RNF8: variants seen among roughly 807,000 people sequenced by gnomAD.
RNF8 encodes the protein E3 ubiquitin-protein ligase RNF8.
A neutral mutation model predicts 59.3 loss-of-function variants in RNF8; 8 were observed. The ratio of observed to expected loss-of-function variants is 0.13; its 90% confidence interval spans 0.08 to 0.24. The LOEUF (loss-of-function observed/expected upper bound fraction) is 0.24, where lower values mean the gene tolerates loss of function less well. Among genes scored for constraint, RNF8 ranks in the 10% least tolerant of loss-of-function variants. The probability of loss-of-function intolerance (pLI) is 1.00; values close to 1 mark genes in which losing one functional copy is unlikely to be tolerated. For missense variants in RNF8, 406 were observed against 572.6 expected, an observed-to-expected ratio of 0.71 and a Z score of 2.97; for synonymous variants, 162 against 200.0, an observed-to-expected ratio of 0.81 and a Z score of 1.60.
chr6:37,383,764 A>G (rs1334503321), intron 7 of RNF8, among the ~76,000 whole-genome samples: 1 of 152,252 alleles, frequency 6.6e-6, no homozygotes, highest in African/African-American at 2.4e-5. Context: ...GAGCTAGGAC[A>G]GATAACAGAC....
At chr6:37,375,663 A>G (rs1405719615) in intron 5 of RNF8, among the ~76,000 whole-genome samples, 6 of 152,328 alleles carry the variant, frequency 3.9e-5, no homozygotes, top group Non-Finnish European at 8.8e-5. Flanking sequence ...CCAGTGATTC[A>G]TAAGTTCTCA....
At chr6:37,380,465 T>C (rs1224505779) in intron 6 of RNF8, among the ~76,000 whole-genome samples, 1 of 151,906 alleles carries the variant, frequency 6.6e-6, no homozygotes, top group Non-Finnish European at 1.5e-5. Flanking sequence ...GGTCAGGAGA[T>C]CGAGACCATC....
intron 1 of RNF8, among the ~76,000 whole-genome samples, chr6:37,356,211 G>T (rs1172020465): frequency 6.6e-6 from 1 of 152,200 alleles, no homozygotes; most frequent in Non-Finnish European, 1.5e-5. Flanking sequence ...GTAAGACTGT[G>T]GCTGGCTTCA....
At chr6:37,377,598 T>G (rs1770076279) in intron 6 of RNF8, among the ~76,000 whole-genome samples, 1 of 152,238 alleles carries the variant, frequency 6.6e-6, no homozygotes, top group African/African-American at 2.4e-5. Context: ...TTTGGTATGA[T>G]TAACATTTTG....
intron 5 of RNF8, among the ~76,000 whole-genome samples, chr6:37,376,315 AT>A (rs1411888223): frequency 2.0e-5 from 3 of 152,182 alleles, no homozygotes; most frequent in African/African-American, 7.2e-5. Flanking sequence ...AGGAGACAGA[AT>A]TTGCAATGCA....
At chr6:37,370,199 A>T (rs1445349283) in intron 3 of RNF8, 2 of 152,230 alleles carry the variant, frequency 1.3e-5, no homozygotes, top group Non-Finnish European at 2.9e-5. Flanking sequence ...TGAGCAATTT[A>T]TAAATTTCAT....
At chr6:37,356,947 C>G (rs1401006811) in intron 1 of RNF8, among the ~76,000 whole-genome samples, 1 of 152,192 alleles carries the variant, frequency 6.6e-6, no homozygotes, top group East Asian at 1.9e-4. Flanking sequence ...CCATGTTGGC[C>G]AGGCTGGTCT....
At chr6:37,374,730 G>A (rs1441778872) in intron 5 of RNF8, 21 bp downstream of exon 5, 11 of 1,598,380 alleles carry the variant, frequency 6.9e-6, no homozygotes, top group Middle Eastern at 3.3e-4. Flanking sequence ...GAAGATGGAA[G>A]TTTAGAATTT....
At chr6:37,378,702 T>C (rs901891404) in intron 6 of RNF8, among the ~76,000 whole-genome samples, 3 of 152,010 alleles carry the variant, frequency 2.0e-5, no homozygotes, top group African/African-American at 7.2e-5. Context: ...GAAAAATCTC[T>C]CCTGGGCAGA....
At chr6:37,372,039 C>T (rs1408161891) in intron 4 of RNF8, among the ~76,000 whole-genome samples, 1 of 152,204 alleles carries the variant, frequency 6.6e-6, no homozygotes, top group Non-Finnish European at 1.5e-5. Context: ...CAATCAACAA[C>T]ACATATCAAT....
chr6:37,360,166 T>A lies in RNF8; in HGVS notation c.112-280T>A, dbSNP rs1302193174. Among the ~76,000 whole-genome samples the A allele has an allele frequency of 6.6e-6, 1 of 152,234 alleles. No homozygotes were observed. The highest frequency in any genetic ancestry group is 1.5e-5 in the Non-Finnish European group (1 of 68,032). Reference sequence around the variant, plus strand: ...GTGTAGAAAGAATTCCTCTATCTCATAGTCATTGAACCAGATGACCTTTCA... The same window carrying A: ...GTGTAGAAAGAATTCCTCTATCTCAAAGTCATTGAACCAGATGACCTTTCA... On this transcript the variant is annotated intron_variant, in intron 1 of 7. Transcript: ENST00000373479. This position sits in a 1 kb window ranked among gnomAD's most constrained non-coding sequence, Gnocchi z 4.2.
intron 7 of RNF8, among the ~76,000 whole-genome samples, chr6:37,385,595 C>G (rs998439218): frequency 6.6e-6 from 1 of 151,870 alleles, no homozygotes; most frequent in African/African-American, 2.4e-5. Flanking sequence ...CCACTGCACT[C>G]CAGCCTGGGC....
intron 2 of RNF8, chr6:37,361,062 GA>G (rs1293780074): frequency 2.8e-6 from 1 of 353,626 alleles, no homozygotes; most frequent in Non-Finnish European, 5.5e-6. Flanking sequence ...GTGTTCCGAA[GA>G]TTTCCTTTGA....
At position 37,391,024 on chromosome 6, in the gene RNF8, A is replaced by T. The variant is rs1581705144; in HGVS notation, c.*266A>T. 1.7e-6 allele frequency: 1 copy of T among 573,516 alleles called. No individual in the cohort carries two copies. Among genetic ancestry groups the T allele is most frequent in the East Asian group, 2.9e-5 (1 of 34,142 alleles). 35.5% of individuals were successfully genotyped at this position (573,516 alleles called of 1,614,324 possible). ...ACTCTGCCTCACTACATGTCGAAAG[A>T]GTTATTTGAGTTCTCTTCTGTTTTT... On this transcript the variant is annotated 3_prime_UTR_variant, in exon 8 of 8. Transcript: ENST00000373479.
At chr6:37,380,259 A>T (rs948613032) in intron 6 of RNF8, among the ~76,000 whole-genome samples, 2 of 152,198 alleles carry the variant, frequency 1.3e-5, no homozygotes, top group African/African-American at 4.8e-5. Context: ...CAAGGTGGCC[A>T]GCCCACATTG....
At position 37,392,810 on chromosome 6, in the gene RNF8, A is replaced by G; in HGVS notation, c.*2052A>G. ...TTTAGAGAGAAGATATTTTAAAAAGAAATACCTTTTTAAAAATTATTTTAT... is the reference window on the plus strand; with the variant it reads ...TTTAGAGAGAAGATATTTTAAAAAGGAATACCTTTTTAAAAATTATTTTAT... On this transcript the variant is annotated 3_prime_UTR_variant, in exon 8 of 8. Coordinates refer to ENST00000373479, the MANE Select transcript of RNF8 (RefSeq NM_003958.4). 1 of 396,970 alleles carries G rather than the reference A, an allele frequency of 2.5e-6. No homozygotes were observed. The highest frequency in any genetic ancestry group is 4.4e-6 in the Non-Finnish European group (1 of 225,596). 24.6% of individuals were successfully genotyped at this position (396,970 alleles called of 1,614,324 possible).
In RNF8 at chr6:37,369,051, G is replaced by C. The variant is rs542382214; in HGVS notation, c.808G>C (p.Val270Leu). Reference sequence around the variant, plus strand: ...ACAGATGCAGGAAAAACATGAAGCCGTTATGAATGTGAAAAAGCAGACCCA... The same window carrying C: ...ACAGATGCAGGAAAAACATGAAGCCCTTATGAATGTGAAAAAGCAGACCCA... ...KIQMQEKHEAVMNVKKQTQKG... is the reference protein window; with the variant it reads ...KIQMQEKHEALMNVKKQTQKG... Residue 270 changes from valine to leucine, a missense_variant, in exon 3 of 8, where the codon GTT becomes CTT. Val to Leu is a conservative substitution (Grantham distance 32, BLOSUM62 1). This residue lies in a region of RNF8 where 285 missense variants were observed against 342.0 expected (regional missense o/e 0.83). Coordinates refer to ENST00000373479, the MANE Select transcript of RNF8 (RefSeq NM_003958.4). The C allele has an allele frequency of 6.2e-7, 1 of 1,614,194 alleles. No individual in the cohort carries two copies. Among genetic ancestry groups the C allele is most frequent in the South Asian group, 1.1e-5 (1 of 91,088 alleles).
chr6:37,354,043 G>A lies in RNF8; in HGVS notation c.-122G>A. 1.2e-6 allele frequency: 1 copy of A among 840,048 alleles called. No individual in the cohort carries two copies. Among genetic ancestry groups the A allele is most frequent in the Non-Finnish European group, 1.9e-6 (1 of 517,962 alleles). The allele number at this position is 840,048 out of a possible 1,614,324, so 52.0% of individuals were successfully genotyped here. Reference sequence around the variant, plus strand: ...CGGAGCCTGCTTTCGCAGCGATCGCGAGCGTGTGGCGATTGCTTCTGTCTG... The same window carrying A: ...CGGAGCCTGCTTTCGCAGCGATCGCAAGCGTGTGGCGATTGCTTCTGTCTG... On this transcript the variant is annotated 5_prime_UTR_variant, in exon 1 of 8. Transcript: ENST00000373479.
At chr6:37,381,385 A>G (rs527737006) in intron 7 of RNF8, 31 bp downstream of exon 7, 1 of 1,584,752 alleles carries the variant, frequency 6.3e-7, no homozygotes, top group South Asian at 1.1e-5. Flanking sequence ...CTACCCCTCA[A>G]GAAAGGACTT....
Sources: gnomAD v4.1 joint callset for allele counts (sites outside exome capture counted in the v4.1 genomes callset) on GRCh38, gnomAD v4.1.1 for gene constraint, gnomAD v4.1.1 regional missense constraint, Gnocchi (gnomAD v3.1) non-coding constraint, MANE v1.5 for transcripts, NCBI Gene and HGNC (gene_info 2026-07-23, HGNC 2026-07-21) for gene names.